TENM2: variants seen among roughly 807,000 people sequenced by gnomAD.
TENM2 encodes teneurin-2.
Under a neutral mutation model 245.2 loss-of-function variants are expected in TENM2, and 52 were observed. That is an observed-to-expected ratio of 0.21 (90% CI 0.17 to 0.27). The LOEUF (loss-of-function observed/expected upper bound fraction) is 0.27, where lower values mean the gene tolerates loss of function less well. TENM2 is among the 10% of genes least tolerant of loss of function. TENM2 has a pLI of 1.00. For missense variants in TENM2, 3,046 were observed against 3,666.8 expected (o/e 0.83, Z 4.37); for synonymous variants, 1,363 against 1,438.9 (o/e 0.95, Z 1.19).
rs1258089373 is a variant in TENM2 at position 168,045,698 on chromosome 5, A to G, written c.1187-1729A>G. On this transcript the variant is annotated intron_variant, in intron 5 of 28. Transcript: ENST00000518659. ...CTGCAGCTGGCCCAAGGCGAGCTTC[A>G]ATAACCCAATAGTATCATTTTTTTA... Among the ~76,000 whole-genome samples the G allele has an allele frequency of 4.6e-5, 7 of 152,374 alleles. 1 individual carries two copies. The highest frequency in any genetic ancestry group is 4.6e-4 in the Admixed American group (7 of 15,302).
At chr5:168,037,367 A>G (rs1021927341) in intron 5 of TENM2, among the ~76,000 whole-genome samples, 1 of 152,178 alleles carries the variant, frequency 6.6e-6, no homozygotes, top group Non-Finnish European at 1.5e-5. Flanking sequence ...AAAAGTACCA[A>G]GTTTGCATGC....
At position 167,478,688 on chromosome 5, in the gene TENM2, A is replaced by C. The variant is rs1368738677; in HGVS notation, c.502+103215A>C. ...CCACTGTTTTAAATAGCACAAAAGA[A>C]AAGTTATGTCTCACTACAAAAAAGC... On this transcript the variant is annotated intron_variant, in intron 2 of 28. Coordinates refer to ENST00000518659, the Ensembl canonical transcript of TENM2. Among the ~76,000 whole-genome samples the C allele has an allele frequency of 4.6e-5, 7 of 152,316 alleles. No homozygotes were observed. In the East Asian group the frequency reaches 1.2e-3, roughly 25 times the overall value.
At chr5:167,750,056 A>AC (rs1228248541) in intron 2 of TENM2, among the ~76,000 whole-genome samples, 4 of 152,114 alleles carry the variant, frequency 2.6e-5, no homozygotes, top group Admixed American at 6.6e-5. Flanking sequence ...TAGAAGGCAT[A>AC]CCGGGGTGAA....
chr5:167,050,396 A>G, the TENM2 span, among the ~76,000 whole-genome samples: 2 of 151,996 alleles, frequency 1.3e-5, no homozygotes, highest in Non-Finnish European at 2.9e-5. Flanking sequence ...TTCCCAAACA[A>G]TCCCCAACCC....
At position 167,338,008 on chromosome 5, in the gene TENM2, C is replaced by A. The variant is rs79788980; in HGVS notation, c.227-37190C>A. Among the ~76,000 whole-genome samples, 171 of 152,230 alleles carry A rather than the reference C, an allele frequency of 1.1e-3. 1 individual carries two copies. Among genetic ancestry groups the A allele is most frequent in the African/African-American group, 3.8e-3 (158 of 41,524 alleles). ...TCTGGGTAGACATTTGTAATACAAT[C>A]TTGAAAGCATAAAATGAAATTTTGT... On this transcript the variant is annotated intron_variant, in intron 1 of 28. Coordinates refer to ENST00000518659, the Ensembl canonical transcript of TENM2.
chr5:167,839,682 A>G (rs1769313246), intron 2 of TENM2, among the ~76,000 whole-genome samples: 1 of 152,170 alleles, frequency 6.6e-6, no homozygotes, highest in African/African-American at 2.4e-5. Context: ...TATACCCCTT[A>G]TTAGCAATGA....
At chr5:168,054,590 G>A (rs915853274) in intron 6 of TENM2, among the ~76,000 whole-genome samples, 5 of 152,212 alleles carry the variant, frequency 3.3e-5, no homozygotes, top group African/African-American at 1.2e-4. Flanking sequence ...TCCCTGGTAT[G>A]ACTATGAGTC....
chr5:167,101,849 T>TATATATATATA, the TENM2 span, among the ~76,000 whole-genome samples: 47 of 69,436 alleles, frequency 6.8e-4, 1 homozygote, highest in South Asian at 4.1e-3. Context: ...ATATATATAT[T>TATATATATATA]TATATATATA....
intron 5 of TENM2, among the ~76,000 whole-genome samples, chr5:168,033,808 C>T (rs1198392909): frequency 6.6e-6 from 1 of 151,990 alleles, no homozygotes; most frequent in African/African-American, 2.4e-5. Flanking sequence ...GGGCAGATCA[C>T]TTGAGGTCAG....
chr5:168,043,527 T>C (rs2152021120), intron 5 of TENM2, among the ~76,000 whole-genome samples: 2 of 152,328 alleles, frequency 1.3e-5, no homozygotes, highest in Non-Finnish European at 2.9e-5. Context: ...CTGGCTGAGT[T>C]TCAGAAAGGA....
intron 2 of TENM2, among the ~76,000 whole-genome samples, chr5:167,675,860 A>T (rs144567100): frequency 6.6e-6 from 1 of 152,260 alleles, no homozygotes; most frequent in Non-Finnish European, 1.5e-5. Flanking sequence ...GATCCAAATA[A>T]TAACACAGTA....
At chr5:168,066,606 G>A (rs567606415) in intron 7 of TENM2, among the ~76,000 whole-genome samples, 2 of 152,194 alleles carry the variant, frequency 1.3e-5, no homozygotes, top group South Asian at 4.1e-4. Context: ...TGTTTCTAAA[G>A]CTTTGCCAAT....
At chr5:167,229,705 G>A in the TENM2 span, among the ~76,000 whole-genome samples, 1 of 152,148 alleles carries the variant, frequency 6.6e-6, no homozygotes, top group African/African-American at 2.4e-5. Context: ...CAGGGACTAG[G>A]GTCATGTAGA....
In TENM2 at chr5:168,187,219, C is replaced by T. The variant is rs567356652; in HGVS notation, c.2570-3118C>T. On this transcript the variant is annotated intron_variant, in intron 13 of 28. Transcript: ENST00000518659. Reference sequence around the variant, plus strand: ...CCAGACAGGCCCTTGAATCAAAAGCCCAGGATCAACAAAACAGTGGGGAAA... The same window carrying T: ...CCAGACAGGCCCTTGAATCAAAAGCTCAGGATCAACAAAACAGTGGGGAAA... 1.4e-3 allele frequency: 214 copies of T among 152,204 alleles called. 1 individual carries two copies. Among genetic ancestry groups the T allele is most frequent in the African/African-American group, 4.7e-3 (196 of 41,514 alleles). 9.4% of individuals were successfully genotyped at this position (152,204 alleles called of 1,614,324 possible).
At chr5:167,104,549 CT>C in the TENM2 span, among the ~76,000 whole-genome samples, 1 of 152,150 alleles carries the variant, frequency 6.6e-6, no homozygotes, top group Non-Finnish European at 1.5e-5. Flanking sequence ...TGTGCCTTAC[CT>C]TGTAAAGGGT....
the TENM2 span, among the ~76,000 whole-genome samples, chr5:167,079,400 G>T: frequency 4.5e-4 from 68 of 150,366 alleles, no homozygotes; most frequent in Non-Finnish European, 7.2e-4. Context: ...TGCAACCTCC[G>T]CCTCCCAGGT....
chr5:167,526,348 G>A (rs942228350), intron 2 of TENM2, among the ~76,000 whole-genome samples: 2 of 136,332 alleles, frequency 1.5e-5, no homozygotes, highest in Non-Finnish European at 1.5e-5. Context: ...ATCATTATCT[G>A]TTTAAGAAAT....
intron 5 of TENM2, among the ~76,000 whole-genome samples, chr5:168,013,857 C>T (rs895364498): frequency 1.1e-4 from 17 of 152,190 alleles, no homozygotes; most frequent in African/African-American, 4.1e-4. Context: ...TCCACGCTCT[C>T]CCTGAAAGCA....
chr5:167,248,770 A>G, the TENM2 span, among the ~76,000 whole-genome samples: 1 of 134,092 alleles, frequency 7.5e-6, no homozygotes, highest in African/African-American at 2.7e-5. Flanking sequence ...TTCAAAAGCC[A>G]TATATATGTG....
Sources: allele counts gnomAD v4.1 joint callset (sites outside exome capture counted in the v4.1 genomes callset), GRCh38; gene constraint gnomAD v4.1.1; transcripts MANE v1.5; gene names NCBI Gene and HGNC (gene_info 2026-07-23, HGNC 2026-07-21).